Variants in PRKCA observed in about 807,000 individuals in gnomAD.
PRKCA encodes the protein protein kinase C alpha.
A neutral mutation model predicts 87.0 loss-of-function variants in PRKCA; 27 were observed. That is an observed-to-expected ratio of 0.31 (90% CI 0.23 to 0.43). The LOEUF (loss-of-function observed/expected upper bound fraction) is 0.43. Among genes scored for constraint, PRKCA ranks in the 20% least tolerant of loss-of-function variants. The pLI, the probability that PRKCA is intolerant of heterozygous loss-of-function variation, is 1.00. For missense variants in PRKCA, 518 were observed against 852.3 expected, an observed-to-expected ratio of 0.61 and a Z score of 4.88; for synonymous variants, 329 against 311.1, an observed-to-expected ratio of 1.06 and a Z score of -0.61.
chr17:66,760,821 C>T (rs993780053), intron 13 of PRKCA, among the ~76,000 whole-genome samples: 2 of 152,150 alleles, frequency 1.3e-5, no homozygotes, highest in African/African-American at 4.8e-5. Context: ...TTGAATCCAA[C>T]ATGTATAGTA....
chr17:66,676,080 T>C (rs1972320036), intron 5 of PRKCA, among the ~76,000 whole-genome samples: 1 of 152,210 alleles, frequency 6.6e-6, no homozygotes, highest in African/African-American at 2.4e-5. Context: ...CGAGGAGTTC[T>C]GGCTCCCGGT....
intron 2 of PRKCA, among the ~76,000 whole-genome samples, chr17:66,345,074 TCTC>T (rs1014529916): frequency 1.3e-5 from 2 of 152,206 alleles, no homozygotes; most frequent in Admixed American, 6.5e-5. Flanking sequence ...TTCTCATTTG[TCTC>T]CTATTTCTTT....
intron 2 of PRKCA, among the ~76,000 whole-genome samples, chr17:66,466,493 C>T (rs923791130): frequency 2.6e-5 from 4 of 152,162 alleles, no homozygotes; most frequent in Non-Finnish European, 4.4e-5. Flanking sequence ...TCCCACTGAG[C>T]AACAAGTGAC....
intron 2 of PRKCA, among the ~76,000 whole-genome samples, chr17:66,494,129 C>T (rs892449467): frequency 7.2e-5 from 11 of 152,174 alleles, no homozygotes; most frequent in African/African-American, 2.2e-4. Context: ...CTTCCACCTA[C>T]GGAAATGACT....
At chr17:66,581,446 G>T (rs1013700304) in intron 3 of PRKCA, among the ~76,000 whole-genome samples, 1 of 152,030 alleles carries the variant, frequency 6.6e-6, no homozygotes, top group Non-Finnish European at 1.5e-5. Flanking sequence ...TATTTGAGAG[G>T]GAATCTTTCT....
chr17:66,316,383 T>C (rs1227710290), intron 2 of PRKCA, among the ~76,000 whole-genome samples: 1 of 152,200 alleles, frequency 6.6e-6, no homozygotes, highest in African/African-American at 2.4e-5. Context: ...GAAGATACAT[T>C]GTACTGAAGC....
intron 5 of PRKCA, among the ~76,000 whole-genome samples, chr17:66,683,831 A>G (rs556327338): frequency 1.3e-5 from 2 of 152,196 alleles, no homozygotes; most frequent in East Asian, 3.9e-4. Flanking sequence ...AACTCCCAAC[A>G]TCATGTGATC....
intron 3 of PRKCA, among the ~76,000 whole-genome samples, chr17:66,516,063 A>G (rs1188026869): frequency 3.3e-5 from 5 of 152,172 alleles, no homozygotes; most frequent in African/African-American, 1.2e-4. Context: ...AGTAGATATT[A>G]GGATTGATTG....
At chr17:66,707,759 C>T (rs10491200) in intron 8 of PRKCA, among the ~76,000 whole-genome samples, 10,173 of 152,136 alleles carry the variant, frequency 0.067, 379 homozygotes, top group South Asian at 0.14. Context: ...TTTCTGGAAA[C>T]GACCCCTGAC....
intron 8 of PRKCA, among the ~76,000 whole-genome samples, chr17:66,723,813 T>C (rs1973675839): frequency 6.6e-6 from 1 of 152,080 alleles, no homozygotes; most frequent in Non-Finnish European, 1.5e-5. Flanking sequence ...AACCGGGGGC[T>C]CAGAGAGGCA....
At chr17:66,740,446 A>G (rs191680141) in intron 11 of PRKCA, among the ~76,000 whole-genome samples, 4 of 152,158 alleles carry the variant, frequency 2.6e-5, no homozygotes, top group Non-Finnish European at 5.9e-5. Flanking sequence ...AGCACCTGTT[A>G]ATAGGATTCT....
At chr17:66,588,814 G>A (rs11652058) in intron 3 of PRKCA, among the ~76,000 whole-genome samples, 32,568 of 151,212 alleles carry the variant, frequency 0.22, 3,691 homozygotes, top group South Asian at 0.33. Context: ...CTGATTTTTT[G>A]CATTTTTGTA....
intron 8 of PRKCA, among the ~76,000 whole-genome samples, chr17:66,706,520 G>A (rs1417670469): frequency 6.6e-6 from 1 of 151,652 alleles, no homozygotes; most frequent in Non-Finnish European, 1.5e-5. Flanking sequence ...GCAGGCACCT[G>A]TAGTCCCAGC....
At chr17:66,565,763 G>T (rs1015862152) in intron 3 of PRKCA, among the ~76,000 whole-genome samples, 2 of 151,994 alleles carry the variant, frequency 1.3e-5, no homozygotes, top group African/African-American at 4.8e-5. Flanking sequence ...CTGTCTTGGT[G>T]GGTGGCATGG....
intron 3 of PRKCA, among the ~76,000 whole-genome samples, chr17:66,606,487 A>G (rs542632509): frequency 6.6e-6 from 1 of 152,358 alleles, no homozygotes; most frequent in East Asian, 1.9e-4. Flanking sequence ...TAAGGACCCC[A>G]GTAGATAAAC....
At chr17:66,316,040 C>T (rs992774112) in intron 2 of PRKCA, among the ~76,000 whole-genome samples, 25 of 152,214 alleles carry the variant, frequency 1.6e-4, no homozygotes, top group African/African-American at 5.8e-4. Context: ...GGAGATGGCT[C>T]TTGTTTTGGG....
chr17:66,401,495 G>A (rs1233028666), intron 2 of PRKCA, among the ~76,000 whole-genome samples: 2 of 152,178 alleles, frequency 1.3e-5, no homozygotes, highest in African/African-American at 4.8e-5. Context: ...AGAGAACGTG[G>A]TTTTTATGCA....
At chr17:66,588,391 A>G (rs1969685683) in intron 3 of PRKCA, among the ~76,000 whole-genome samples, 1 of 151,980 alleles carries the variant, frequency 6.6e-6, no homozygotes, top group African/African-American at 2.4e-5. Flanking sequence ...TTTTTTGTTG[A>G]TATAAGTTGC....
chr17:66,533,280 C>T (rs1350045365), intron 3 of PRKCA, among the ~76,000 whole-genome samples: 2 of 152,144 alleles, frequency 1.3e-5, no homozygotes, highest in Admixed American at 6.5e-5. Flanking sequence ...ATTTGGTTTG[C>T]GTAAAAGAAG....
Sources: allele counts gnomAD v4.1 joint callset (sites outside exome capture counted in the v4.1 genomes callset), GRCh38; gene constraint gnomAD v4.1.1; transcripts MANE v1.5; gene names NCBI Gene and HGNC (gene_info 2026-07-23, HGNC 2026-07-21).